PLRG1: variants seen among roughly 807,000 people sequenced by gnomAD.
PLRG1 encodes the protein pleiotropic regulator 1 (PRL1 homolog, Arabidopsis).
Under a neutral mutation model 74.9 loss-of-function variants are expected in PLRG1, and 28 were observed. That is an observed-to-expected ratio of 0.37 (90% CI 0.28 to 0.51). The LOEUF (loss-of-function observed/expected upper bound fraction) is 0.51. PLRG1 is among the 20% of genes least tolerant of loss of function. The pLI is 0.91. For missense variants in PLRG1, 445 were observed against 631.9 expected, an observed-to-expected ratio of 0.70 and a Z score of 3.17; for synonymous variants, 197 against 212.4, an observed-to-expected ratio of 0.93 and a Z score of 0.63.
chr4:154,547,913 CT>C, intron 2 of PLRG1, 60 bp from the exon 3 acceptor site: 3 of 1,280,110 alleles, frequency 2.3e-6, no homozygotes, highest in Admixed American at 4.7e-5. Flanking sequence ...AAACACTTAG[CT>C]TAAGTTTGCC....
intron 1 of PLRG1, among the ~76,000 whole-genome samples, 184 bp downstream of exon 1, chr4:154,550,116 G>A (rs551988782): frequency 3.5e-4 from 54 of 152,344 alleles, no homozygotes; most frequent in African/African-American, 9.1e-4. Flanking sequence ...TCCGACTCGG[G>A]TTCTCATCCG....
In PLRG1 at chr4:154,536,020, C is replaced by T. The variant is rs571681180; in HGVS notation, c.*665G>A. On this transcript the variant is annotated 3_prime_UTR_variant, in exon 15 of 15. Transcript: ENST00000499023. ...GTCTTCCTTCACTTCAAGGTAATCT[C>T]CAATGCCACTTACTCTATGAAGTCT... The T allele has an allele frequency of 2.6e-5, 4 of 152,308 alleles. No individual in the cohort carries two copies. The highest frequency in any genetic ancestry group is 5.9e-5 in the Non-Finnish European group (4 of 68,210). The allele number at this position is 152,308 out of a possible 1,614,324, so 9.4% of individuals were successfully genotyped here.
At chr4:154,549,760 C>A (rs1434636742) in intron 1 of PLRG1, 1 of 456,388 alleles carries the variant, frequency 2.2e-6, no homozygotes, top group Middle Eastern at 3.3e-4. Flanking sequence ...ATGTTGGTCT[C>A]AATTAAGGTG....
chr4:154,542,354 T>C lies in PLRG1; in HGVS notation c.595-75A>G, dbSNP rs1382198106. On this transcript the variant is annotated intron_variant, in intron 7 of 14. Coordinates refer to ENST00000499023, the MANE Select transcript of PLRG1 (RefSeq NM_002669.4). ...ATTTAAGTTTAACTGCAGCCCGAGT[T>C]TGAATTGCCCTCCCATCTTCAAATC... 5 of 817,750 alleles carry C rather than the reference T, an allele frequency of 6.1e-6. No homozygotes were observed. The East Asian group carries it at 1.0e-4, about 17-fold the overall frequency. 50.7% of individuals were successfully genotyped at this position (817,750 alleles called of 1,614,324 possible).
At chr4:154,543,796 T>C (rs1729598228) in intron 7 of PLRG1, 1 of 152,258 alleles carries the variant, frequency 6.6e-6, no homozygotes, top group African/African-American at 2.4e-5. Flanking sequence ...ACATATTAAA[T>C]TATGTGTAGC....
intron 4 of PLRG1, chr4:154,546,430 C>T (rs1335814025): frequency 3.7e-6 from 2 of 538,152 alleles, no homozygotes; most frequent in African/African-American, 3.9e-5. Context: ...GATCACAGCC[C>T]ACATGGTATT....
At chr4:154,539,832 A>G in intron 11 of PLRG1, 119 bp downstream of exon 11, 1 of 685,198 alleles carries the variant, frequency 1.5e-6, no homozygotes, top group East Asian at 2.6e-5. Context: ...TTAAAATATG[A>G]CACAGAAACA....
At position 154,545,828 on chromosome 4, in the gene PLRG1, A is replaced by G. The variant is rs1256885714; in HGVS notation, c.492+8T>C. On this transcript the variant is annotated splice_region_variant and intron_variant, in intron 6 of 14. Transcript: ENST00000499023. ...TAGAAACCTGCTATTTGATGCAGAA[A>G]AACTTACTGAATTCATCGCTGTAGG... 3 of 1,566,430 alleles carry G rather than the reference A, an allele frequency of 1.9e-6. No homozygotes were observed. The highest frequency in any genetic ancestry group is 2.6e-6 in the Non-Finnish European group (3 of 1,145,856).
At chr4:154,544,372 T>C in intron 7 of PLRG1, 73 bp downstream of exon 7, 3 of 877,838 alleles carry the variant, frequency 3.4e-6, no homozygotes, top group Non-Finnish European at 5.8e-6. Flanking sequence ...TTCCTCCTTA[T>C]TCTATTCTTC....
chr4:154,536,673 A>G lies in PLRG1; in HGVS notation c.*12T>C, dbSNP rs759398734. On this transcript the variant is annotated 3_prime_UTR_variant, in exon 15 of 15. Coordinates refer to ENST00000499023, the MANE Select transcript of PLRG1 (RefSeq NM_002669.4). ...AAAGAAAAAAAAAGAGAGAGAAAAA[A>G]TTCCACATTCATTAAAATCTCTTTC... is the stretch of plus-strand genomic sequence containing the variant. 8 of 1,401,096 alleles carry G rather than the reference A, an allele frequency of 5.7e-6. No individual in the cohort carries two copies. The highest frequency in any genetic ancestry group is 2.3e-5 in the East Asian group (1 of 43,588). 86.8% of individuals were successfully genotyped at this position (1,401,096 alleles called of 1,614,324 possible).
At chr4:154,537,163 T>G (rs1448867383) in intron 14 of PLRG1, 123 bp downstream of exon 14, 16 of 593,472 alleles carry the variant, frequency 2.7e-5, no homozygotes, top group Non-Finnish European at 2.9e-5. Flanking sequence ...AAATGGACAC[T>G]ATTCAAGAAG....
rs756107350 is a variant in PLRG1 at position 154,539,095 on chromosome 4, A to C, written c.1151+10T>G. On this transcript the variant is annotated intron_variant, in intron 12 of 14. Transcript: ENST00000499023. Reference sequence around the variant, plus strand: ...GAAAAACAAGAAGCTAATTAGGAAAATACACTTACTGTCTTGGATGTAAAA... The same window carrying C: ...GAAAAACAAGAAGCTAATTAGGAAACTACACTTACTGTCTTGGATGTAAAA... The C allele has an allele frequency of 6.9e-7, 1 of 1,444,730 alleles. No homozygotes were observed. The highest frequency in any genetic ancestry group is 1.1e-5 in the South Asian group (1 of 87,680). The allele number at this position is 1,444,730 out of a possible 1,614,324, so 89.5% of individuals were successfully genotyped here. A position where few individuals can be genotyped will look rare whatever the true frequency, so the allele number is the denominator to read the frequency against.
In PLRG1 at chr4:154,542,232, A is replaced by C; in HGVS notation, c.642T>G (p.Pro214=). ...ATCCAGTAACAAACCACTGATTTCC[A>C]GGTTCCACAGCAATACATCGAACCC... is the stretch of plus-strand genomic sequence containing the variant. ...LGWVRCIAVE[P]GNQWFVTGSA... Residue 214 remains proline, a synonymous_variant, in exon 8 of 15, where the codon CCT becomes CCG. Transcript: ENST00000499023. The C allele has an allele frequency of 1.9e-6, 3 of 1,612,750 alleles. No homozygotes were observed. Among genetic ancestry groups the C allele is most frequent in the Non-Finnish European group, 2.5e-6 (3 of 1,178,802 alleles).
rs1027538331 is a variant in PLRG1, at chr4:154,536,521, G to A, written c.*164C>T. 6.5e-6 allele frequency: 4 copies of A among 615,762 alleles called. No individual in the cohort carries two copies. Among genetic ancestry groups the A allele is most frequent in the African/African-American group, 5.7e-5 (3 of 52,996 alleles). The allele number at this position is 615,762 out of a possible 1,614,324, so 38.1% of individuals were successfully genotyped here. On this transcript the variant is annotated 3_prime_UTR_variant, in exon 15 of 15. Transcript: ENST00000499023. ...TAAAAACACAGGGGTAGGGGACAGGGGACAGTTTATTGTAAAATATGAAGC... is the reference window on the plus strand; with the variant it reads ...TAAAAACACAGGGGTAGGGGACAGGAGACAGTTTATTGTAAAATATGAAGC...
Position 154,547,078 on chromosome 4 carries a change from A to C in PLRG1, c.260-14T>G, listed in dbSNP as rs200545433. ...CAACTTCTTGTCCTAAAAAAACACA[A>C]AAAAAATCAACAGTAGTGAATTTAC... On this transcript the variant is annotated splice_polypyrimidine_tract_variant and intron_variant, in intron 3 of 14. Coordinates refer to ENST00000499023, the MANE Select transcript of PLRG1 (RefSeq NM_002669.4). The C allele has an allele frequency of 1.5e-5, 24 of 1,601,770 alleles. No homozygotes were observed. Among genetic ancestry groups the C allele is most frequent in the East Asian group, 1.1e-4 (5 of 44,792 alleles).
chr4:154,538,755 G>T (rs1390050969), intron 12 of PLRG1, among the ~76,000 whole-genome samples: 1 of 152,012 alleles, frequency 6.6e-6, no homozygotes, highest in African/African-American at 2.4e-5. Flanking sequence ...TCCTCCTTAA[G>T]AATTAAACTA....
At chr4:154,538,929 G>T (rs1189797122) in intron 12 of PLRG1, 176 bp downstream of exon 12, 1 of 532,004 alleles carries the variant, frequency 1.9e-6, no homozygotes. Context: ...GTTTTATAGG[G>T]CATGAAGCAA....
rs1045155347 is a variant in PLRG1, at chr4:154,542,176, T to C, written c.687+11A>G. 6 of 1,490,682 alleles carry C rather than the reference T, an allele frequency of 4.0e-6. No homozygotes were observed. The highest frequency in any genetic ancestry group is 5.6e-6 in the Non-Finnish European group (6 of 1,067,424). 92.3% of individuals were successfully genotyped at this position (1,490,682 alleles called of 1,614,324 possible). ...CAAAGTCATGTTTATTTTTTCTTCC[T>C]TCATTATTACCTTTATAGTTCTGTC... On this transcript the variant is annotated intron_variant, in intron 8 of 14. Coordinates refer to ENST00000499023, the MANE Select transcript of PLRG1 (RefSeq NM_002669.4).
chr4:154,545,721 G>T, intron 6 of PLRG1, 115 bp downstream of exon 6: 1 of 596,204 alleles, frequency 1.7e-6, no homozygotes, highest in Non-Finnish European at 2.9e-6. Flanking sequence ...TTAGGGCTAT[G>T]AAATATGAAT....
Sources: allele counts gnomAD v4.1 joint callset (sites outside exome capture counted in the v4.1 genomes callset), GRCh38; gene constraint gnomAD v4.1.1; transcripts MANE v1.5; gene names NCBI Gene and HGNC (gene_info 2026-07-23, HGNC 2026-07-21).